The following PARN variants were observed in gnomAD, a reference collection of about 807,000 sequenced individuals.
PARN encodes the protein poly(A)-specific ribonuclease PARN.
In PARN, 71 loss-of-function variants were observed where a neutral mutation model predicts 102.8. The ratio of observed to expected loss-of-function variants is 0.69; its 90% CI spans 0.57 to 0.84. The LOEUF (loss-of-function observed/expected upper bound fraction) is 0.84. PARN is among the 40% of genes least tolerant of loss of function. The pLI is 0.00. For missense variants in PARN, 782 were observed against 760.9 expected (o/e 1.03, Z -0.33); for synonymous variants, 261 against 252.9 (o/e 1.03, Z -0.30).
chr16:14,601,281 A>C (rs976311238), intron 11 of PARN, among the ~76,000 whole-genome samples: 1 of 152,238 alleles, frequency 6.6e-6, no homozygotes, highest in Non-Finnish European at 1.5e-5. Flanking sequence ...GCCTTTAAAA[A>C]GGAAGGAAAT....
intron 18 of PARN, among the ~76,000 whole-genome samples, chr16:14,563,367 C>A (rs1314840646): frequency 6.6e-6 from 1 of 152,094 alleles, no homozygotes; most frequent in East Asian, 1.9e-4. Flanking sequence ...GACAAGAGCT[C>A]CAGCCACGAA....
chr16:14,628,592 T>C (rs1046157421), intron 2 of PARN, among the ~76,000 whole-genome samples: 2 of 152,254 alleles, frequency 1.3e-5, no homozygotes, highest in African/African-American at 2.4e-5. Context: ...AATAAATCCC[T>C]AAGTATATTA....
intron 21 of PARN, among the ~76,000 whole-genome samples, chr16:14,500,112 G>GTAGC (rs1485651693): frequency 6.6e-6 from 1 of 152,164 alleles, no homozygotes; most frequent in African/African-American, 2.4e-5. Flanking sequence ...CTGGAGTGTA[G>GTAGC]TAGCACAACC....
intron 22 of PARN, among the ~76,000 whole-genome samples, chr16:14,477,977 A>G (rs1031677299): frequency 6.6e-6 from 1 of 152,220 alleles, no homozygotes; most frequent in African/African-American, 2.4e-5. Flanking sequence ...TTTTAGGCAT[A>G]CAAATCTGAT....
At chr16:14,506,156 C>T (rs975658850) in intron 21 of PARN, among the ~76,000 whole-genome samples, 1 of 152,156 alleles carries the variant, frequency 6.6e-6, no homozygotes, top group African/African-American at 2.4e-5. Context: ...TATCATGAGA[C>T]AATCAGAAAC....
intron 5 of PARN, among the ~76,000 whole-genome samples, chr16:14,619,850 T>C (rs1035603937): frequency 4.6e-5 from 7 of 151,100 alleles, no homozygotes; most frequent in African/African-American, 7.3e-5. Flanking sequence ...GGCAGGCGGA[T>C]CAAGAGGTCA....
At chr16:14,483,253 A>G (rs1963478165) in intron 21 of PARN, among the ~76,000 whole-genome samples, 2 of 152,236 alleles carry the variant, frequency 1.3e-5, no homozygotes, top group East Asian at 1.9e-4. Context: ...ACAAAAAGCA[A>G]TATTGCCAGT....
intron 22 of PARN, among the ~76,000 whole-genome samples, chr16:14,473,685 C>T (rs558984430): frequency 6.6e-6 from 1 of 152,278 alleles, no homozygotes; most frequent in East Asian, 1.9e-4. Context: ...CAACACAGAG[C>T]TTCCTGGACT....
intron 21 of PARN, among the ~76,000 whole-genome samples, chr16:14,547,103 A>T (rs1464436618): frequency 6.6e-6 from 1 of 151,842 alleles, no homozygotes; most frequent in Non-Finnish European, 1.5e-5. Context: ...AAAAAAAAAA[A>T]AAAGAAAAAA....
chr16:14,510,856 G>C (rs923015621), intron 21 of PARN, among the ~76,000 whole-genome samples: 1 of 152,168 alleles, frequency 6.6e-6, no homozygotes, highest in African/African-American at 2.4e-5. Flanking sequence ...AACCAGGAGG[G>C]GGAAAGACAA....
intron 9 of PARN, among the ~76,000 whole-genome samples, chr16:14,606,844 C>T (rs1258140867): frequency 6.6e-6 from 1 of 150,770 alleles, no homozygotes; most frequent in African/African-American, 2.4e-5. Context: ...GGCAGTGGCG[C>T]GATCTCGGCT....
At chr16:14,482,495 A>G in intron 22 of PARN, 143 bp downstream of exon 22, 2 of 583,716 alleles carry the variant, frequency 3.4e-6, no homozygotes, top group Non-Finnish European at 5.8e-6. Context: ...AATTCAGGTC[A>G]TAGTCACTTC....
intron 12 of PARN, among the ~76,000 whole-genome samples, chr16:14,596,478 T>TA (rs774184627): frequency 4.6e-5 from 7 of 151,984 alleles, no homozygotes; most frequent in Non-Finnish European, 7.4e-5. Context: ...CTCGTGCCTA[T>TA]AATCCAAATA....
At chr16:14,575,008 C>A (rs1413623617) in intron 18 of PARN, among the ~76,000 whole-genome samples, 1 of 152,208 alleles carries the variant, frequency 6.6e-6, no homozygotes, top group Non-Finnish European at 1.5e-5. Context: ...AACTTCCATG[C>A]AGCATTGAGC....
Position 14,436,377 on chromosome 16 carries a change from T to G in PARN, c.*340A>C, listed in dbSNP as rs1960696233. 6 of 307,460 alleles carry G rather than the reference T, an allele frequency of 2.0e-5. No homozygotes were observed. The South Asian group carries it at 4.1e-4, about 21-fold the overall frequency. 19.0% of individuals were successfully genotyped at this position (307,460 alleles called of 1,614,324 possible). On this transcript the variant is annotated 3_prime_UTR_variant, in exon 24 of 24. Transcript: ENST00000437198. ...GGAATGTCAGCTCTTTTTGCAGATTTCACAGCCGACACTCCCCATCAGGCA... is the reference window on the plus strand; with the variant it reads ...GGAATGTCAGCTCTTTTTGCAGATTGCACAGCCGACACTCCCCATCAGGCA...
chr16:14,606,629 T>C, intron 9 of PARN, 103 bp from the exon 10 acceptor site: 1 of 592,780 alleles, frequency 1.7e-6, no homozygotes, highest in Non-Finnish European at 3.0e-6. Flanking sequence ...TAAGTTTTAT[T>C]AACTACAAAA....
chr16:14,498,577 A>G (rs61703495), intron 21 of PARN, among the ~76,000 whole-genome samples: 20,190 of 151,980 alleles, frequency 0.13, 1,622 homozygotes, highest in African/African-American at 0.21. Flanking sequence ...ACGATCTGTC[A>G]CCACCAAGAA....
chr16:14,445,424 C>T (rs1378382568), intron 23 of PARN, among the ~76,000 whole-genome samples: 1 of 152,212 alleles, frequency 6.6e-6, no homozygotes, highest in Non-Finnish European at 1.5e-5. Context: ...CACCACTTGA[C>T]TACTACTTTC....
At chr16:14,448,460 G>A (rs1961300253) in intron 22 of PARN, among the ~76,000 whole-genome samples, 1 of 151,870 alleles carries the variant, frequency 6.6e-6, no homozygotes, top group Non-Finnish European at 1.5e-5. Flanking sequence ...GCTAATTTTT[G>A]TATTTTTAGT....
Sources: gnomAD v4.1 joint callset for allele counts (sites outside exome capture counted in the v4.1 genomes callset) on GRCh38, gnomAD v4.1.1 for gene constraint, MANE v1.5 for transcripts, NCBI Gene and HGNC (gene_info 2026-07-23, HGNC 2026-07-21) for gene names.